ZNF628: variants seen among roughly 807,000 people sequenced by gnomAD.
ZNF628 encodes zinc finger protein Zec.
Under a neutral mutation model 2.5 loss-of-function variants are expected in ZNF628, and 3 were observed. The observed-to-expected ratio is 1.19, with a 90% confidence interval of 0.54 to 3.07. The LOEUF is 3.07. Among genes scored for constraint, ZNF628 ranks in the 30% most tolerant of loss-of-function variants. ZNF628 has a pLI of 0.03. For missense variants in ZNF628, 1,610 were observed against 1,517.1 expected, an observed-to-expected ratio of 1.06 and a Z score of -1.02; for synonymous variants, 861 against 717.1, an observed-to-expected ratio of 1.20 and a Z score of -3.21.
Position 55,482,155 on chromosome 19 carries a change from C to A in ZNF628, c.962C>A (p.Ala321Glu), listed in dbSNP as rs1470590460. 1 of 1,499,120 alleles carries A rather than the reference C, an allele frequency of 6.7e-7. No homozygotes were observed. 92.9% of individuals were successfully genotyped at this position (1,499,120 alleles called of 1,614,324 possible). A position where few individuals can be genotyped will look rare whatever the true frequency, so the allele number is the denominator to read the frequency against. ...CACCAGCCGTGCCCCGGGCCCGATG[C>A]GGCGCCCCAGCCCCAGGAGGCACCC... is the stretch of plus-strand genomic sequence containing the variant. ...LEHQPCPGPD[A>E]APQPQEAPAE... The change falls in exon 3 of 3, where the codon GCG becomes GAG. Residue 321 changes from alanine to glutamate, a missense_variant. Ala to Glu is a moderately radical substitution (Grantham distance 107). Transcript: ENST00000598519.
At position 55,482,233 on chromosome 19, in the gene ZNF628, C is replaced by T; in HGVS notation, c.1040C>T (p.Pro347Leu). Residue 347 changes from proline to leucine, a missense_variant, in exon 3 of 3, where the codon CCT (proline) becomes CTT (leucine). Coordinates refer to ENST00000598519, the MANE Select transcript of ZNF628 (RefSeq NM_033113.3). ...CCGTCCCCTCTGCCGCAGCCCCCTC[C>T]TCCCGCCGCCGCCCCCGCGCCTGGC... ...QPPSPLPQPP[P>L]PAAAPAPGFA... 1.4e-6 allele frequency: 2 copies of T among 1,449,622 alleles called. No homozygotes were observed. The highest frequency in any genetic ancestry group is 2.7e-5 in the Admixed American group (1 of 37,470). 89.8% of individuals were successfully genotyped at this position (1,449,622 alleles called of 1,614,324 possible).
Position 55,483,054 on chromosome 19 carries a change from C to A in ZNF628, c.1861C>A (p.Pro621Thr), listed in dbSNP as rs1986781160. 7.4e-6 allele frequency: 12 copies of A among 1,611,206 alleles called. No homozygotes were observed. Among genetic ancestry groups the A allele is most frequent in the Non-Finnish European group, 1.0e-5 (12 of 1,179,480 alleles). Residue 621 changes from proline (P) to threonine (T), a missense_variant, in exon 3 of 3, where the codon CCC (proline) becomes ACC (threonine). This residue lies in a region of ZNF628 where 712 missense variants were observed against 603.6 expected (regional missense o/e 1.18). Transcript: ENST00000598519. ...CCAGCGCACGCACTCGGCGGAGCGCCCCTTCACCTGCCCCATCTGCGGTCG... is the reference window on the plus strand; with the variant it reads ...CCAGCGCACGCACTCGGCGGAGCGCACCTTCACCTGCCCCATCTGCGGTCG... ...LHQRTHSAER[P>T]FTCPICGRGF...
At position 55,481,391 on chromosome 19, in the gene ZNF628, C is replaced by T. The variant is rs1387650331; in HGVS notation, c.198C>T (p.Cys66=). The T allele has an allele frequency of 1.2e-6, 2 of 1,612,468 alleles. No homozygotes were observed. Among genetic ancestry groups the T allele is most frequent in the East Asian group, 2.2e-5 (1 of 44,808 alleles). Residue 66 remains cysteine, a synonymous_variant, in exon 3 of 3, where the codon TGC becomes TGT. Transcript: ENST00000598519. Reference sequence around the variant, plus strand: ...ACACAGGCGAGCGGCCCTACAAGTGCCCAGACTGCCCCAAGGCTTTCAAAG... The same window carrying T: ...ACACAGGCGAGCGGCCCTACAAGTGTCCAGACTGCCCCAAGGCTTTCAAAG... ...RTHTGERPYK[C]PDCPKAFKGS...
chr19:55,478,788 C>T (rs542209183), intron 1 of ZNF628, among the ~76,000 whole-genome samples: 5 of 152,194 alleles, frequency 3.3e-5, no homozygotes, highest in South Asian at 2.1e-4. Context: ...GGGGAATCTG[C>T]GGACAGGGGC....
intron 2 of ZNF628, among the ~76,000 whole-genome samples, chr19:55,480,119 G>A (rs1160889689): frequency 2.0e-5 from 3 of 152,112 alleles, no homozygotes; most frequent in Admixed American, 6.5e-5. Context: ...GAAAGGGCGC[G>A]CTGGATGGTA....
chr19:55,481,315 G>A lies in ZNF628; in HGVS notation c.122G>A (p.Cys41Tyr). The stretch of plus-strand genomic sequence containing the variant: ...GCGGCCCAGTACGAATGTGGGGAGT[G>A]TGGCAAGTCATTCCGGTGGTCGTCC... ...APAAQYECGE[C>Y]GKSFRWSSRL... The change falls in exon 3 of 3, where the codon TGT becomes TAT. Residue 41 changes from cysteine to tyrosine, a missense_variant. Transcript: ENST00000598519. The A allele has an allele frequency of 1.2e-6, 2 of 1,610,984 alleles. No homozygotes were observed. Among genetic ancestry groups the A allele is most frequent in the Non-Finnish European group, 1.7e-6 (2 of 1,179,164 alleles).
chr19:55,481,596 T>C lies in ZNF628; in HGVS notation c.403T>C (p.Tyr135His), dbSNP rs761039037. 4.4e-6 allele frequency: 7 copies of C among 1,594,788 alleles called. No individual in the cohort carries two copies. The highest frequency in any genetic ancestry group is 6.0e-6 in the Non-Finnish European group (7 of 1,173,114). The change falls in exon 3 of 3, where the codon TAC becomes CAC. Residue 135 changes from tyrosine to histidine, a missense_variant. Tyr to His is a moderately conservative substitution (Grantham distance 83, BLOSUM62 2). Coordinates refer to ENST00000598519, the MANE Select transcript of ZNF628 (RefSeq NM_033113.3). ...CGLAFKWSSH[Y>H]QYHLRQHTGE... is the part of the protein sequence containing the mutation. ...CCTGGCCTTCAAGTGGTCGTCCCACTACCAGTACCACTTAAGGCAGCACAC... is the reference window on the plus strand; with the variant it reads ...CCTGGCCTTCAAGTGGTCGTCCCACCACCAGTACCACTTAAGGCAGCACAC...
At position 55,479,785 on chromosome 19, in the gene ZNF628, G is replaced by A. The variant is rs185838290; in HGVS notation, c.-77-49G>A. On this transcript the variant is annotated intron_variant, in intron 1 of 2. Coordinates refer to ENST00000598519, the MANE Select transcript of ZNF628 (RefSeq NM_033113.3). This position sits in a 1 kb window ranked among gnomAD's most constrained non-coding sequence, Gnocchi z 5.1. Reference sequence around the variant, plus strand: ...GTCCCAGTTGAGAACCACTAGTATCGTGGTCAGAATGTGAGAAACTTCGCG... The same window carrying A: ...GTCCCAGTTGAGAACCACTAGTATCATGGTCAGAATGTGAGAAACTTCGCG... 10 of 396,242 alleles carry A rather than the reference G, an allele frequency of 2.5e-5. No individual in the cohort carries two copies. Among genetic ancestry groups the A allele is most frequent in the East Asian group, 2.1e-4 (6 of 27,968 alleles). 24.5% of individuals were successfully genotyped at this position (396,242 alleles called of 1,614,324 possible). A position where few individuals can be genotyped will look rare whatever the true frequency, so the allele number is the denominator to read the frequency against.
Position 55,482,585 on chromosome 19 carries a change from G to T in ZNF628, c.1392G>T (p.Lys464Asn), listed in dbSNP as rs1986759847. 1.3e-6 allele frequency: 2 copies of T among 1,591,422 alleles called. No homozygotes were observed. Among genetic ancestry groups the T allele is most frequent in the African/African-American group, 2.7e-5 (2 of 74,228 alleles). The change falls in exon 3 of 3, where the codon AAG (lysine) becomes AAT (asparagine). Residue 464 changes from lysine to asparagine, a missense_variant. Physicochemically the swap from Lys to Asn is moderately conservative, Grantham distance 94. This residue lies in a region of ZNF628 where 651 missense variants were observed against 575.6 expected (regional missense o/e 1.13). Coordinates refer to ENST00000598519, the MANE Select transcript of ZNF628 (RefSeq NM_033113.3). ...GTGCCGAGTGCGGCAAGTCCTTCAA[G>T]GGCTCCTCCGGGCTGCGCTACCACC... ...YKCAECGKSFKGSSGLRYHLR... is the reference protein window; with the variant it reads ...YKCAECGKSFNGSSGLRYHLR...
intron 1 of ZNF628, among the ~76,000 whole-genome samples, 176 bp downstream of exon 1, chr19:55,476,983 A>T (rs1986565170): frequency 6.6e-6 from 1 of 152,272 alleles, no homozygotes; most frequent in South Asian, 2.1e-4. Flanking sequence ...GCAAGGGGCC[A>T]CATTGAGAGG....
In ZNF628 at chr19:55,481,928, G is replaced by A; in HGVS notation, c.735G>A (p.Glu245=). The change falls in exon 3 of 3, where the codon GAG becomes GAA. Residue 245 remains glutamate, a synonymous_variant. Coordinates refer to ENST00000598519, the MANE Select transcript of ZNF628 (RefSeq NM_033113.3). ...CGGCCCCGCCCCCCCAGTCCCGGGA[G>A]CCCGGCAAGGTCTTCGTGTGCGACG... ...ASAAPPPQSR[E]PGKVFVCDAY... 2 of 1,476,850 alleles carry A rather than the reference G, an allele frequency of 1.4e-6. No individual in the cohort carries two copies. Among genetic ancestry groups the A allele is most frequent in the Non-Finnish European group, 1.8e-6 (2 of 1,118,502 alleles). The allele number at this position is 1,476,850 out of a possible 1,614,324, so 91.5% of individuals were successfully genotyped here.
chr19:55,480,001 G>C lies in ZNF628; in HGVS notation c.7+84G>C, dbSNP rs1409651042. 61 of 398,692 alleles carry C rather than the reference G, an allele frequency of 1.5e-4. 1 individual carries two copies. The East Asian group carries it at 2.1e-3, about 14-fold the overall frequency. The allele number at this position is 398,692 out of a possible 1,614,324, so 24.7% of individuals were successfully genotyped here. Reference sequence around the variant, plus strand: ...GGTGAGGGGGCCGCAGATTTTGTGGGCTTGAAGGGAAAGTGAGACTGAGGC... The same window carrying C: ...GGTGAGGGGGCCGCAGATTTTGTGGCCTTGAAGGGAAAGTGAGACTGAGGC... On this transcript the variant is annotated intron_variant, in intron 2 of 2. Coordinates refer to ENST00000598519, the MANE Select transcript of ZNF628 (RefSeq NM_033113.3).
At position 55,481,308 on chromosome 19, in the gene ZNF628, G is replaced by A. The variant is rs1406411656; in HGVS notation, c.115G>A (p.Gly39Arg). The change falls in exon 3 of 3, where the codon GGG becomes AGG. Residue 39 changes from glycine (G) to arginine (R), a missense_variant. Coordinates refer to ENST00000598519, the MANE Select transcript of ZNF628 (RefSeq NM_033113.3). ...TGCCCCGGCGGCCCAGTACGAATGT[G>A]GGGAGTGTGGCAAGTCATTCCGGTG... ...APAPAAQYEC[G>R]ECGKSFRWSS... The A allele has an allele frequency of 6.2e-7, 1 of 1,610,220 alleles. No individual in the cohort carries two copies. Among genetic ancestry groups the A allele is most frequent in the Admixed American group, 1.7e-5 (1 of 59,646 alleles).
rs566159118 is a variant in ZNF628, at chr19:55,484,116, C to T, written c.2923C>T (p.Leu975Phe). The part of the protein sequence containing the change: ...PATGPPGQKL[L>F]IIRSAPATEL... ...CACCGGCCCACCCGGACAGAAACTC[C>T]TCATCATCCGCAGCGCCCCAGCCAC... Residue 975 changes from leucine (L) to phenylalanine (F), a missense_variant, in exon 3 of 3, where the codon CTC (leucine) becomes TTC (phenylalanine). Leu to Phe is a conservative substitution (Grantham distance 22). Transcript: ENST00000598519. 1.9e-6 allele frequency: 3 copies of T among 1,592,110 alleles called. No homozygotes were observed. Among genetic ancestry groups the T allele is most frequent in the Non-Finnish European group, 2.6e-6 (3 of 1,171,256 alleles).
In ZNF628 at chr19:55,482,221, C is replaced by G. The variant is rs1986736008; in HGVS notation, c.1028C>G (p.Pro343Arg). The G allele has an allele frequency of 6.8e-7, 1 of 1,465,088 alleles. No homozygotes were observed. Among genetic ancestry groups the G allele is most frequent in the South Asian group, 1.3e-5 (1 of 77,168 alleles). The allele number at this position is 1,465,088 out of a possible 1,614,324, so 90.8% of individuals were successfully genotyped here. A position where few individuals can be genotyped will look rare whatever the true frequency, so the allele number is the denominator to read the frequency against. The change falls in exon 3 of 3, where the codon CCG becomes CGG. Residue 343 changes from proline to arginine, a missense_variant. Around this residue, in one of 5 missense-constraint regions of ZNF628, gnomAD observed 651 missense variants for 575.6 expected, o/e 1.13. Transcript: ENST00000598519. ...PKADQPPSPL[P>R]QPPPPAAAPA... ...GCCGACCAGCCACCGTCCCCTCTGC[C>G]GCAGCCCCCTCCTCCCGCCGCCGCC... is the stretch of plus-strand genomic sequence containing the variant.
In ZNF628 at chr19:55,481,728, G is replaced by A; in HGVS notation, c.535G>A (p.Gly179Arg). The change falls in exon 3 of 3, where the codon GGA becomes AGA. Residue 179 changes from glycine to arginine, a missense_variant. Physicochemically the swap from Gly to Arg is moderately radical, Grantham distance 125 (BLOSUM62 -2). This residue lies in a region of ZNF628 where 166 missense variants were observed against 241.3 expected (regional missense o/e 0.69). Coordinates refer to ENST00000598519, the MANE Select transcript of ZNF628 (RefSeq NM_033113.3). Reference sequence around the variant, plus strand: ...CACCGGCGAGCGGCCCTACACCTGTGGAGTCTGCGGGAAGAGCTTCACGCA... The same window carrying A: ...CACCGGCGAGCGGCCCTACACCTGTAGAGTCTGCGGGAAGAGCTTCACGCA... ...VHTGERPYTC[G>R]VCGKSFTQST... is the part of the protein sequence containing the mutation. 6.2e-7 allele frequency: 1 copy of A among 1,611,868 alleles called. No individual in the cohort carries two copies. The highest frequency in any genetic ancestry group is 8.5e-7 in the Non-Finnish European group (1 of 1,179,240).
Position 55,479,166 on chromosome 19 carries a change from G to A in ZNF628, c.-77-668G>A, listed in dbSNP as rs1382435126. ...GGGAGGTGAGAAGGAACCAAGCTGG[G>A]GACTGAGATGGGGTGACAGGTGACG... On this transcript the variant is annotated intron_variant, in intron 1 of 2. Transcript: ENST00000598519. This position sits in a 1 kb window ranked among gnomAD's most constrained non-coding sequence, Gnocchi z 5.1. Among the ~76,000 whole-genome samples the A allele has an allele frequency of 2.6e-5, 4 of 152,112 alleles. No individual in the cohort carries two copies. The highest frequency in any genetic ancestry group is 9.7e-5 in the African/African-American group (4 of 41,404).
Position 55,483,629 on chromosome 19 carries a change from A to G in ZNF628, c.2436A>G (p.Pro812=), listed in dbSNP as rs1986815740. 1.2e-6 allele frequency: 2 copies of G among 1,613,416 alleles called. No individual in the cohort carries two copies. Among genetic ancestry groups the G allele is most frequent in the Non-Finnish European group, 1.7e-6 (2 of 1,179,818 alleles). Residue 812 remains proline, a synonymous_variant, in exon 3 of 3, where the codon CCA becomes CCG. Transcript: ENST00000598519. The part of the protein sequence containing the change: ...LQNVGGGEAG[P]QEMSGVQLQP... ...ATGTGGGGGGTGGGGAGGCAGGGCC[A>G]CAGGAAATGAGTGGGGTGCAGCTCC...
rs4801678 is a variant in ZNF628, at chr19:55,479,637, A to G, written c.-77-197A>G. On this transcript the variant is annotated intron_variant, in intron 1 of 2. Transcript: ENST00000598519. This position sits in a 1 kb window ranked among gnomAD's most constrained non-coding sequence, Gnocchi z 5.1. Reference sequence around the variant, plus strand: ...GTGGGGCCGTCCTGTGAATTGTAGGATGTTGGGCAGCATCCCTGGCCTCCA... The same window carrying G: ...GTGGGGCCGTCCTGTGAATTGTAGGGTGTTGGGCAGCATCCCTGGCCTCCA... 0.82 allele frequency among the ~76,000 whole-genome samples: 125,406 copies of G among 152,042 alleles called. 52,433 individuals are homozygous for G. Among genetic ancestry groups the G allele is most frequent in the African/African-American group, 0.93 (38,403 of 41,482 alleles).
Sources: allele counts gnomAD v4.1 joint callset (sites outside exome capture counted in the v4.1 genomes callset), GRCh38; gene constraint gnomAD v4.1.1; regional missense constraint gnomAD v4.1.1; non-coding constraint Gnocchi (gnomAD v3.1); transcripts MANE v1.5; gene names NCBI Gene and HGNC (gene_info 2026-07-23, HGNC 2026-07-21).